The following EYS variants were observed in gnomAD, a reference collection of about 807,000 sequenced individuals.
EYS encodes the protein protein eyes shut homolog.
In EYS, 250 loss-of-function variants were observed where a neutral mutation model predicts 282.1. That is an observed-to-expected ratio of 0.89 (90% confidence interval 0.80 to 0.98). The LOEUF (loss-of-function observed/expected upper bound fraction) is 0.98, where lower values mean the gene tolerates loss of function less well. Among genes scored for constraint, EYS ranks in the 50% least tolerant of loss-of-function variants. The probability of loss-of-function intolerance (pLI) is 0.00; values close to 1 mark genes in which losing one functional copy is unlikely to be tolerated. For missense variants in EYS, 4,016 were observed against 3,709.0 expected, an observed-to-expected ratio of 1.08 and a Z score of -2.15; for synonymous variants, 1,355 against 1,282.9, an observed-to-expected ratio of 1.06 and a Z score of -1.20.
At chr6:64,502,094 T>A (rs1777064474) in intron 26 of EYS, among the ~76,000 whole-genome samples, 1 of 152,212 alleles carries the variant, frequency 6.6e-6, no homozygotes, top group East Asian at 1.9e-4. Context: ...AAGCAGTAGC[T>A]GTAATTATTA....
chr6:64,060,907 T>G (rs985371958), intron 33 of EYS, among the ~76,000 whole-genome samples: 3 of 152,308 alleles, frequency 2.0e-5, no homozygotes, highest in Admixed American at 2.0e-4. Context: ...CAGATGATCT[T>G]AAACCATGCA....
intron 8 of EYS, among the ~76,000 whole-genome samples, chr6:65,374,038 C>T (rs1191273146): frequency 6.6e-6 from 1 of 152,096 alleles, no homozygotes; most frequent in Non-Finnish European, 1.5e-5. Context: ...CTTCATAGTG[C>T]CTTAAATAAT....
chr6:65,372,987 G>T lies in EYS; in HGVS notation c.1299+11399C>A, dbSNP rs1054469006. 2.6e-5 allele frequency among the ~76,000 whole-genome samples: 4 copies of T among 151,808 alleles called. No individual in the cohort carries two copies. The South Asian group carries it at 8.3e-4, about 32-fold the overall frequency. ...CATATTAAAAAAGAAATATATTTTT[G>T]TTCTCTTTTTAATTTTAGTCTAATC... On this transcript the variant is annotated intron_variant, in intron 8 of 42. Coordinates refer to ENST00000503581, the MANE Select transcript of EYS (RefSeq NM_001142800.2).
intron 26 of EYS, among the ~76,000 whole-genome samples, chr6:64,484,154 A>C (rs1419841145): frequency 6.6e-6 from 1 of 151,548 alleles, no homozygotes; most frequent in Non-Finnish European, 1.5e-5. Context: ...GTTTATAGAT[A>C]GGCCACCTTC....
rs191401475 is a variant in EYS at position 64,205,908 on chromosome 6, A to G, written c.6424+24684T>C. ...TCACTGTTAGTCAATACAGACCTGC[A>G]AGTGGCCTTACCAGTTGCTTACTCA... On this transcript the variant is annotated intron_variant, in intron 31 of 42. Coordinates refer to ENST00000503581, the MANE Select transcript of EYS (RefSeq NM_001142800.2). Among the ~76,000 whole-genome samples the G allele has an allele frequency of 1.9e-3, 287 of 152,102 alleles. 2 individuals carry two copies. Among genetic ancestry groups the G allele is most frequent in the Middle Eastern group, 6.8e-3 (2 of 294 alleles).
chr6:65,335,158 A>G lies in EYS; in HGVS notation c.1600-12T>C. Reference sequence around the variant, plus strand: ...CCATTTGCACAAATCTATAGCAACGAAAGAAGTAAAAATGTTATGAATTCC... The same window carrying G: ...CCATTTGCACAAATCTATAGCAACGGAAGAAGTAAAAATGTTATGAATTCC... On this transcript the variant is annotated splice_polypyrimidine_tract_variant and intron_variant, in intron 10 of 42. Transcript: ENST00000503581. 6.3e-7 allele frequency: 1 copy of G among 1,575,622 alleles called. No individual in the cohort carries two copies. The highest frequency in any genetic ancestry group is 8.7e-7 in the Non-Finnish European group (1 of 1,146,876).
At chr6:64,967,117 C>G (rs1244586494) in intron 14 of EYS, among the ~76,000 whole-genome samples, 1 of 152,120 alleles carries the variant, frequency 6.6e-6, no homozygotes, top group African/African-American at 2.4e-5. Flanking sequence ...TCTTTAGCTT[C>G]AATTATGGCA....
chr6:65,509,086 G>T lies in EYS; in HGVS notation c.-332-13093C>A, dbSNP rs115603670. Among the ~76,000 whole-genome samples, 958 of 152,282 alleles carry T rather than the reference G, an allele frequency of 6.3e-3. 14 individuals carry two copies. The highest frequency in any genetic ancestry group is 0.022 in the African/African-American group (916 of 41,564). ...GGTACCCAATGAGTAAACTGGAGAT[G>T]AAAATAAACATAACATAAGAGGAGT... On this transcript the variant is annotated intron_variant, in intron 2 of 42. Coordinates refer to ENST00000503581, the MANE Select transcript of EYS (RefSeq NM_001142800.2).
Position 64,127,153 on chromosome 6 carries a change from C to T in EYS, c.6425-45151G>A, listed in dbSNP as rs527324515. Among the ~76,000 whole-genome samples the T allele has an allele frequency of 4.9e-4, 75 of 152,280 alleles. 1 individual carries two copies. Among genetic ancestry groups the T allele is most frequent in the Non-Finnish European group, 7.4e-4 (50 of 67,992 alleles). Reference sequence around the variant, plus strand: ...GGTAAACTACATTACTTTATAAATGCAATCTGTAACCTGAATAATATATCA... The same window carrying T: ...GGTAAACTACATTACTTTATAAATGTAATCTGTAACCTGAATAATATATCA... On this transcript the variant is annotated intron_variant, in intron 31 of 42. Transcript: ENST00000503581.
At chr6:64,784,223 ATTGT>A (rs1172328610) in intron 22 of EYS, among the ~76,000 whole-genome samples, 16 of 151,284 alleles carry the variant, frequency 1.1e-4, no homozygotes, top group Non-Finnish European at 2.2e-4. Flanking sequence ...ATTTGTATTC[ATTGT>A]TTATTTTTTA....
intron 31 of EYS, among the ~76,000 whole-genome samples, chr6:64,203,224 C>T (rs917195330): frequency 2.0e-5 from 3 of 152,140 alleles, no homozygotes; most frequent in African/African-American, 4.8e-5. Flanking sequence ...GAAGCCAGTT[C>T]GTGAACAGAG....
intron 1 of EYS, among the ~76,000 whole-genome samples, chr6:65,672,529 T>A (rs1768425116): frequency 6.6e-6 from 1 of 152,124 alleles, no homozygotes; most frequent in Non-Finnish European, 1.5e-5. Context: ...AGGGGGCTAC[T>A]TTTCAAATGC....
intron 22 of EYS, among the ~76,000 whole-genome samples, chr6:64,744,770 A>G (rs1054656248): frequency 4.6e-5 from 7 of 152,126 alleles, no homozygotes; most frequent in Non-Finnish European, 7.4e-5. Flanking sequence ...AGGTACATTT[A>G]TTTTAAATTT....
At chr6:65,454,219 G>A (rs2150404170) in intron 5 of EYS, among the ~76,000 whole-genome samples, 1 of 151,678 alleles carries the variant, frequency 6.6e-6, no homozygotes, top group East Asian at 1.9e-4. Flanking sequence ...TCTAACTAGA[G>A]TAAAGTGGTA....
chr6:63,893,325 C>T (rs1773455096), intron 35 of EYS, among the ~76,000 whole-genome samples: 1 of 152,112 alleles, frequency 6.6e-6, no homozygotes, highest in Non-Finnish European at 1.5e-5. Flanking sequence ...TGGAACCAAC[C>T]CAAATGCCCA....
At chr6:64,642,884 G>A (rs546634803) in intron 22 of EYS, among the ~76,000 whole-genome samples, 7 of 152,324 alleles carry the variant, frequency 4.6e-5, no homozygotes, top group Admixed American at 3.9e-4. Flanking sequence ...GGGAGGCTGA[G>A]GCGGACAGAT....
chr6:65,016,071 GA>G (rs561989962), intron 13 of EYS, among the ~76,000 whole-genome samples: 117 of 115,732 alleles, frequency 1.0e-3, no homozygotes, highest in East Asian at 3.5e-3. Context: ...AAAAGAAAAA[GA>G]AAAAAAAAAA....
chr6:65,378,092 A>G (rs1341676013), intron 8 of EYS, among the ~76,000 whole-genome samples: 1 of 152,184 alleles, frequency 6.6e-6, no homozygotes, highest in African/African-American at 2.4e-5. Context: ...CAGAGTGAAC[A>G]GGCAACCTGC....
chr6:65,241,787 AAAGAGT>A (rs892411198), intron 12 of EYS, among the ~76,000 whole-genome samples: 24 of 152,188 alleles, frequency 1.6e-4, no homozygotes, highest in African/African-American at 5.5e-4. Flanking sequence ...TTGGACAGAG[AAAGAGT>A]AAATCAGGTG....
Sources: allele counts gnomAD v4.1 joint callset (sites outside exome capture counted in the v4.1 genomes callset), GRCh38; gene constraint gnomAD v4.1.1; transcripts MANE v1.5; gene names NCBI Gene and HGNC (gene_info 2026-07-23, HGNC 2026-07-21).